Variants in DTD1 observed in about 807,000 individuals in gnomAD.
DTD1 encodes D-tyrosyl-tRNA deacylase 1 homolog.
DTD1 carries 13 observed loss-of-function variants against 25.6 expected under a neutral mutation model. The observed-to-expected ratio is 0.51, with a 90% CI of 0.33 to 0.81. The LOEUF (loss-of-function observed/expected upper bound fraction) is 0.81. Among genes scored for constraint, DTD1 ranks in the 30% least tolerant of loss-of-function variants. DTD1 has a pLI of 0.02. For synonymous variants in DTD1, 110 were observed against 103.6 expected (o/e 1.06, Z -0.37); for missense variants, 193 against 266.4 (o/e 0.72, Z 1.92).
intron 3 of DTD1, among the ~76,000 whole-genome samples, chr20:18,598,005 A>C (rs912519416): frequency 6.6e-6 from 1 of 152,098 alleles, no homozygotes; most frequent in African/African-American, 2.4e-5. Flanking sequence ...TTGTAAAAAA[A>C]TTATTAGTAT....
intron 1 of DTD1, among the ~76,000 whole-genome samples, chr20:18,588,397 A>C (rs2060574866): frequency 6.6e-6 from 1 of 151,544 alleles, no homozygotes; most frequent in African/African-American, 2.4e-5. Flanking sequence ...CATTCTCAGC[A>C]CCTTTGTCCT....
At chr20:18,726,036 G>A (rs2122498257) in intron 4 of DTD1, among the ~76,000 whole-genome samples, 1 of 152,300 alleles carries the variant, frequency 6.6e-6, no homozygotes, top group African/African-American at 2.4e-5. Context: ...CTCCCACCTG[G>A]ATTGTTTTGT....
intron 4 of DTD1, among the ~76,000 whole-genome samples, chr20:18,730,729 C>T (rs77771315): frequency 0.017 from 2,535 of 152,294 alleles, 37 homozygotes; most frequent in Non-Finnish European, 0.025. Context: ...GGCATTGTTA[C>T]ATTACTTAAC....
chr20:18,708,309 T>TAA (rs1375794679), intron 4 of DTD1, among the ~76,000 whole-genome samples: 4 of 44,110 alleles, frequency 9.1e-5, no homozygotes, highest in Admixed American at 3.6e-4. Flanking sequence ...TATATATATT[T>TAA]TATATATATA....
In DTD1 at chr20:18,758,888, T is replaced by G. The variant is rs577778273; in HGVS notation, c.*20-4472T>G. 1.4e-4 allele frequency among the ~76,000 whole-genome samples: 21 copies of G among 151,856 alleles called. No individual in the cohort carries two copies. In the East Asian group the frequency reaches 3.9e-3, roughly 28 times the overall value. On this transcript the variant is annotated intron_variant, in intron 5 of 5. Coordinates refer to ENST00000377452, the MANE Select transcript of DTD1 (RefSeq NM_080820.6). Reference sequence around the variant, plus strand: ...AGTGGGGTGTTAAAGTCTCCCATTATTATTGTGTGGCTTTATGAATCTGGG... The same window carrying G: ...AGTGGGGTGTTAAAGTCTCCCATTAGTATTGTGTGGCTTTATGAATCTGGG...
Position 18,744,100 on chromosome 20 carries a change from C to G in DTD1, c.478C>G (p.Leu160Val), listed in dbSNP as rs748691393. 3 of 1,600,630 alleles carry G rather than the reference C, an allele frequency of 1.9e-6. No homozygotes were observed. Among genetic ancestry groups the G allele is most frequent in the South Asian group, 2.2e-5 (2 of 89,224 alleles). ...PGTATSDPKQ[L>V]SKLEKQQQRK... Reference sequence around the variant, plus strand: ...TTCTTTTTTATTTTTATTTAATCAGCTGTCAAAGCTCGAAAAACAGCAGCA... The same window carrying G: ...TTCTTTTTTATTTTTATTTAATCAGGTGTCAAAGCTCGAAAAACAGCAGCA... Residue 160 changes from leucine to valine, a missense_variant and splice_region_variant, in exon 5 of 6, where the codon CTG becomes GTG. Physicochemically the swap from Leu to Val is conservative, Grantham distance 32. Transcript: ENST00000377452.
At chr20:18,705,358 C>G (rs1159544057) in intron 4 of DTD1, among the ~76,000 whole-genome samples, 2 of 152,118 alleles carry the variant, frequency 1.3e-5, no homozygotes, top group African/African-American at 4.8e-5. Context: ...ATGTGCCCTC[C>G]AACACAAAAA....
At chr20:18,658,890 C>G (rs976411124) in intron 4 of DTD1, among the ~76,000 whole-genome samples, 2 of 152,174 alleles carry the variant, frequency 1.3e-5, no homozygotes, top group African/African-American at 4.8e-5. Context: ...CTTAGAGAAG[C>G]AGCCCCCTGA....
intron 4 of DTD1, among the ~76,000 whole-genome samples, chr20:18,679,892 A>C (rs575173126): frequency 6.6e-6 from 1 of 152,184 alleles, no homozygotes; most frequent in African/African-American, 2.4e-5. Flanking sequence ...AAGTCTCTCT[A>C]TGGTGGTTCC....
At chr20:18,728,789 G>C (rs2061230994) in intron 4 of DTD1, among the ~76,000 whole-genome samples, 1 of 152,104 alleles carries the variant, frequency 6.6e-6, no homozygotes, top group African/African-American at 2.4e-5. Context: ...GGGTCCCCTG[G>C]GTCTGTCTGG....
rs138999761 is a variant in DTD1, at chr20:18,704,252, G to A, written c.478-39848G>A. 7.8e-3 allele frequency among the ~76,000 whole-genome samples: 1,191 copies of A among 152,062 alleles called. 8 individuals are homozygous for A. Among genetic ancestry groups the A allele is most frequent in the Non-Finnish European group, 0.013 (851 of 67,980 alleles). On this transcript the variant is annotated intron_variant, in intron 4 of 5. Coordinates refer to ENST00000377452, the MANE Select transcript of DTD1 (RefSeq NM_080820.6). Reference sequence around the variant, plus strand: ...CCTGAGCTCGTGATCCTCCCACCTCGGCCTCCCAAAGTGCTGGGATTACAG... The same window carrying A: ...CCTGAGCTCGTGATCCTCCCACCTCAGCCTCCCAAAGTGCTGGGATTACAG...
chr20:18,736,485 A>G (rs2122511245), intron 4 of DTD1, among the ~76,000 whole-genome samples: 1 of 152,316 alleles, frequency 6.6e-6, no homozygotes, highest in South Asian at 2.1e-4. Context: ...GTGTGAAGGG[A>G]TCTGTCTTTC....
rs1403465557 is a variant in DTD1 at position 18,619,671 on chromosome 20, C to T, written c.371-8456C>T. Among the ~76,000 whole-genome samples, 5 of 152,210 alleles carry T rather than the reference C, an allele frequency of 3.3e-5. No homozygotes were observed. In the South Asian group the frequency reaches 6.2e-4, roughly 19 times the overall value. ...AACTCCTGAGCTCAGGCTATCTGCC[C>T]GCCTCGGCCTCCCAAAGTGCTGGGA... On this transcript the variant is annotated intron_variant, in intron 3 of 5. Transcript: ENST00000377452.
intron 4 of DTD1, among the ~76,000 whole-genome samples, chr20:18,647,864 G>A (rs1396752575): frequency 6.6e-6 from 1 of 152,170 alleles, no homozygotes; most frequent in African/African-American, 2.4e-5. Context: ...GACCTGAAAG[G>A]TGAGAACTGC....
chr20:18,648,913 G>A (rs1204836611), intron 4 of DTD1, among the ~76,000 whole-genome samples: 1 of 139,734 alleles, frequency 7.2e-6, no homozygotes, highest in East Asian at 2.2e-4. Flanking sequence ...GGAGAATGAC[G>A]TGAACCCGGG....
chr20:18,733,981 A>T (rs2061247614), intron 4 of DTD1, among the ~76,000 whole-genome samples: 1 of 152,236 alleles, frequency 6.6e-6, no homozygotes, highest in Admixed American at 6.5e-5. Flanking sequence ...ACACAAGGAC[A>T]TTTTTTTAAA....
chr20:18,593,656 T>G, intron 1 of DTD1, 75 bp from the exon 2 acceptor site: 1 of 1,013,282 alleles, frequency 9.9e-7, no homozygotes. Flanking sequence ...TTTAAAATAC[T>G]CCTATGGTTA....
intron 4 of DTD1, among the ~76,000 whole-genome samples, chr20:18,689,069 G>C (rs1278595680): frequency 6.6e-6 from 1 of 152,198 alleles, no homozygotes; most frequent in Non-Finnish European, 1.5e-5. Context: ...CTGTGTTAAA[G>C]TTTAATGCGT....
At chr20:18,747,650 C>T (rs960285156) in intron 5 of DTD1, among the ~76,000 whole-genome samples, 1 of 152,180 alleles carries the variant, frequency 6.6e-6, no homozygotes. Context: ...CATGTCTCTT[C>T]TTCCAGTTCT....
Sources: allele counts gnomAD v4.1 joint callset (sites outside exome capture counted in the v4.1 genomes callset), GRCh38; gene constraint gnomAD v4.1.1; transcripts MANE v1.5; gene names NCBI Gene and HGNC (gene_info 2026-07-23, HGNC 2026-07-21).